Variants in GALNT4 observed in about 807,000 individuals in gnomAD.
GALNT4 encodes polypeptide N-acetylgalactosaminyltransferase 4, also known as UDP-GalNAc:polypeptide N-acetylgalactosaminyltransferase 4.
A neutral mutation model predicts 45.1 loss-of-function variants in GALNT4; 23 were observed. The ratio of observed to expected loss-of-function variants is 0.51; its 90% confidence interval spans 0.37 to 0.72. The LOEUF is 0.72. Ranked by LOEUF, GALNT4 falls within the 30% of genes least tolerant of loss-of-function variation. The pLI, the probability that GALNT4 is intolerant of heterozygous loss-of-function variation, is 0.00. For missense variants in GALNT4, 757 were observed against 709.0 expected (o/e 1.07, Z -0.77); for synonymous variants, 264 against 257.6 (o/e 1.02, Z -0.24).
chr12:89,523,482 C>A lies in GALNT4; in HGVS notation c.1068G>T (p.Pro356=). The change falls in exon 1 of 1, where the codon CCG becomes CCT. Residue 356 remains proline (P), a synonymous_variant. Coordinates refer to ENST00000529983, the MANE Select transcript of GALNT4 (RefSeq NM_003774.5). ...GGAACACATGGCCCACGTGGGAACA[C>A]GGGTGGATCTCCAATTTGCCACCAC... ...WQCGGKLEIH[P]CSHVGHVFPK... 2.5e-6 allele frequency: 4 copies of A among 1,612,652 alleles called. No individual in the cohort carries two copies. Among genetic ancestry groups the A allele is most frequent in the Non-Finnish European group, 3.4e-6 (4 of 1,179,392 alleles).
chr12:89,522,689 A>C lies in GALNT4; in HGVS notation c.*124T>G, dbSNP rs1870986085. The C allele has an allele frequency of 7.8e-7, 1 of 1,275,202 alleles. No homozygotes were observed. The highest frequency in any genetic ancestry group is 1.9e-5 in the South Asian group (1 of 53,902). 79.0% of individuals were successfully genotyped at this position (1,275,202 alleles called of 1,614,324 possible). The stretch of plus-strand genomic sequence containing the variant: ...ATACCAAAATGAACCCCAGCTTTCC[A>C]GTGCTCCACAGATGACTGCTAGGTG... On this transcript the variant is annotated 3_prime_UTR_variant, in exon 1 of 1. Transcript: ENST00000529983.
At position 89,524,735 on chromosome 12, in the gene GALNT4, G is replaced by T; in HGVS notation, c.-186C>A. 1 of 663,384 alleles carries T rather than the reference G, an allele frequency of 1.5e-6. No homozygotes were observed. Among genetic ancestry groups the T allele is most frequent in the Non-Finnish European group, 2.6e-6 (1 of 382,048 alleles). The allele number at this position is 663,384 out of a possible 1,614,324, so 41.1% of individuals were successfully genotyped here. A position where few individuals can be genotyped will look rare whatever the true frequency, so the allele number is the denominator to read the frequency against. On this transcript the variant is annotated 5_prime_UTR_variant, in exon 1 of 1. Transcript: ENST00000529983. ...TGAGCCCTCTCGGTCCTCGGCCTCC[G>T]GCACAGCCCAACTCCTCTCTCCCTA...
Position 89,523,483 on chromosome 12 carries a change from G to C in GALNT4, c.1067C>G (p.Pro356Arg), listed in dbSNP as rs371227409. The C allele has an allele frequency of 6.2e-7, 1 of 1,612,630 alleles. No individual in the cohort carries two copies. Among genetic ancestry groups the C allele is most frequent in the African/African-American group, 1.3e-5 (1 of 74,850 alleles). Reference protein sequence around the residue: ...WQCGGKLEIHPCSHVGHVFPK... With the variant: ...WQCGGKLEIHRCSHVGHVFPK... The stretch of plus-strand genomic sequence containing the variant: ...GAACACATGGCCCACGTGGGAACAC[G>C]GGTGGATCTCCAATTTGCCACCACA... Residue 356 changes from proline to arginine, a missense_variant, in exon 1 of 1, where the codon CCG (proline) becomes CGG (arginine). Coordinates refer to ENST00000529983, the MANE Select transcript of GALNT4 (RefSeq NM_003774.5).
chr12:89,523,043 A>G lies in GALNT4; in HGVS notation c.1507T>C (p.Cys503Arg), dbSNP rs770674955. Residue 503 changes from cysteine to arginine, a missense_variant, in exon 1 of 1, where the codon TGT becomes CGT. Transcript: ENST00000529983. Reference sequence around the variant, plus strand: ...TTTTTTTGCTCAGGTACCTCTGCACATAACTCTGTCACAGAATTAAACCTT... The same window carrying G: ...TTTTTTTGCTCAGGTACCTCTGCACGTAACTCTGTCACAGAATTAAACCTT... ...EIRFNSVTEL[C>R]AEVPEQKNYV... 2 of 1,613,874 alleles carry G rather than the reference A, an allele frequency of 1.2e-6. No individual in the cohort carries two copies. Among genetic ancestry groups the G allele is most frequent in the Non-Finnish European group, 1.7e-6 (2 of 1,179,790 alleles).
In GALNT4 at chr12:89,524,183, C is replaced by G; in HGVS notation, c.367G>C (p.Glu123Gln). 1 of 1,613,980 alleles carries G rather than the reference C, an allele frequency of 6.2e-7. No homozygotes were observed. The highest frequency in any genetic ancestry group is 8.5e-7 in the Non-Finnish European group (1 of 1,179,900). Residue 123 changes from glutamate to glutamine, a missense_variant, in exon 1 of 1, where the codon GAG (glutamate) becomes CAG (glutamine). Physicochemically the swap from Glu to Gln is conservative, Grantham distance 29. Coordinates refer to ENST00000529983, the MANE Select transcript of GALNT4 (RefSeq NM_003774.5). Reference protein sequence around the residue: ...HRHIEDKRMYECKSQKFNYRT... With the variant: ...HRHIEDKRMYQCKSQKFNYRT... ...TAGTTGAACTTCTGGGACTTACACT[C>G]ATACATTCTTTTATCCTCTATGTGT...
chr12:89,522,496 A>T lies in GALNT4; in HGVS notation c.*317T>A. ...TACCTCATTTTACTTGGACCTTTACATTCTTTAATATTAAGTCTGGCACTT... is the reference window on the plus strand; with the variant it reads ...TACCTCATTTTACTTGGACCTTTACTTTCTTTAATATTAAGTCTGGCACTT... On this transcript the variant is annotated 3_prime_UTR_variant, in exon 1 of 1. Transcript: ENST00000529983. 1 of 343,748 alleles carries T rather than the reference A, an allele frequency of 2.9e-6. No homozygotes were observed. Among genetic ancestry groups the T allele is most frequent in the Non-Finnish European group, 5.2e-6 (1 of 193,424 alleles). The allele number at this position is 343,748 out of a possible 1,614,324, so 21.3% of individuals were successfully genotyped here.
In GALNT4 at chr12:89,521,931, C is replaced by A; in HGVS notation, c.*882G>T. 3 of 398,680 alleles carry A rather than the reference C, an allele frequency of 7.5e-6. No homozygotes were observed. The South Asian group carries it at 3.9e-4, about 52-fold the overall frequency. The allele number at this position is 398,680 out of a possible 1,614,324, so 24.7% of individuals were successfully genotyped here. On this transcript the variant is annotated 3_prime_UTR_variant, in exon 1 of 1. Coordinates refer to ENST00000529983, the MANE Select transcript of GALNT4 (RefSeq NM_003774.5). ...TAATAAACATAGTTGGGTTTAACTT[C>A]AGAGAGGCTTCAATTGTGTTTACTT...
Position 89,523,604 on chromosome 12 carries a change from C to A in GALNT4, c.946G>T (p.Val316Phe). 6.4e-7 allele frequency: 1 copy of A among 1,560,604 alleles called. No individual in the cohort carries two copies. The highest frequency in any genetic ancestry group is 8.6e-7 in the Non-Finnish European group (1 of 1,158,300). Residue 316 changes from valine (V) to phenylalanine (F), a missense_variant, in exon 1 of 1, where the codon GTC (valine) becomes TTC (phenylalanine). Val to Phe is a conservative substitution (Grantham distance 50, BLOSUM62 -1). Transcript: ENST00000529983. Reference sequence around the variant, plus strand: ...AGGTACTGAAAATATTTCTTGCTGACAGCAAACAGTCCTCCAGCCATGGTA... The same window carrying A: ...AGGTACTGAAAATATTTCTTGCTGAAAGCAAACAGTCCTCCAGCCATGGTA... ...SPTMAGGLFA[V>F]SKKYFQYLGT...
chr12:89,523,970 C>T lies in GALNT4; in HGVS notation c.580G>A (p.Asp194Asn). 3 of 1,613,854 alleles carry T rather than the reference C, an allele frequency of 1.9e-6. No homozygotes were observed. The highest frequency in any genetic ancestry group is 2.5e-6 in the Non-Finnish European group (3 of 1,179,846). ...TTGGTCCTAATCAAGCGTACTCTAT[C>T]AAGATTGCTGATGTAAGTTTCAAGT... ...TQLETYISNL[D>N]RVRLIRTNKR... Residue 194 changes from aspartate (D) to asparagine (N), a missense_variant, in exon 1 of 1, where the codon GAT (aspartate) becomes AAT (asparagine). Transcript: ENST00000529983.
rs1419993892 is a variant in GALNT4 at position 89,520,668 on chromosome 12, T to G, written c.*2145A>C. The G allele has an allele frequency of 6.6e-6, 1 of 152,220 alleles. No individual in the cohort carries two copies. The highest frequency in any genetic ancestry group is 2.4e-5 in the African/African-American group (1 of 41,466). The allele number at this position is 152,220 out of a possible 1,614,324, so 9.4% of individuals were successfully genotyped here. A position where few individuals can be genotyped will look rare whatever the true frequency, so the allele number is the denominator to read the frequency against. ...AAATATTCAAGATTGCATAGCAATT[T>G]TATTTTTTGAAATGGTTATCCTAAA... On this transcript the variant is annotated 3_prime_UTR_variant, in exon 1 of 1. Coordinates refer to ENST00000529983, the MANE Select transcript of GALNT4 (RefSeq NM_003774.5).
rs758454985 is a variant in GALNT4 at position 89,523,000 on chromosome 12, T to C, written c.1550A>G (p.Asn517Ser). The change falls in exon 1 of 1, where the codon AAT becomes AGT. Residue 517 changes from asparagine (N) to serine (S), a missense_variant. Coordinates refer to ENST00000529983, the MANE Select transcript of GALNT4 (RefSeq NM_003774.5). The part of the protein sequence containing the change: ...PEQKNYVGMQ[N>S]CPKDGFPVPA... ...TACAGGGAACCCATCTTTGGGACAATTTTGCATTCCCACATAATTTTTTTG... is the reference window on the plus strand; with the variant it reads ...TACAGGGAACCCATCTTTGGGACAACTTTGCATTCCCACATAATTTTTTTG... The C allele has an allele frequency of 2.5e-6, 4 of 1,613,818 alleles. No individual in the cohort carries two copies. The highest frequency in any genetic ancestry group is 1.3e-5 in the African/African-American group (1 of 74,912).
Position 89,522,441 on chromosome 12 carries a change from T to C in GALNT4, c.*372A>G, listed in dbSNP as rs562221685. 2.8e-6 allele frequency: 1 copy of C among 362,962 alleles called. No homozygotes were observed. Among genetic ancestry groups the C allele is most frequent in the South Asian group, 1.5e-4 (1 of 6,726 alleles). 22.5% of individuals were successfully genotyped at this position (362,962 alleles called of 1,614,324 possible). ...ATGAGTTTTGTTAAAAAGTGGGATG[T>C]GCGGTGAACTTACACATCAACATAA... On this transcript the variant is annotated 3_prime_UTR_variant, in exon 1 of 1. Coordinates refer to ENST00000529983, the MANE Select transcript of GALNT4 (RefSeq NM_003774.5).
In GALNT4 at chr12:89,522,602, A is replaced by G. The variant is rs1305288139; in HGVS notation, c.*211T>C. ...GACAAAACTCTTATATAAAACAACC[A>G]ATAAGTAAGGCATTGTGAAATATTA... On this transcript the variant is annotated 3_prime_UTR_variant, in exon 1 of 1. Transcript: ENST00000529983. The G allele has an allele frequency of 4.3e-6, 2 of 463,070 alleles. No individual in the cohort carries two copies. Among genetic ancestry groups the G allele is most frequent in the Non-Finnish European group, 7.1e-6 (2 of 279,890 alleles). The allele number at this position is 463,070 out of a possible 1,614,324, so 28.7% of individuals were successfully genotyped here.
In GALNT4 at chr12:89,520,915, G is replaced by A. The variant is rs1400750325; in HGVS notation, c.*1898C>T. ...CAGTAAAAATACTTTTAAAAAAAGCGTTTACTTCCCGAGTAATTTAGTTTG... is the reference window on the plus strand; with the variant it reads ...CAGTAAAAATACTTTTAAAAAAAGCATTTACTTCCCGAGTAATTTAGTTTG... On this transcript the variant is annotated 3_prime_UTR_variant, in exon 1 of 1. Transcript: ENST00000529983. The A allele has an allele frequency of 1.3e-5, 2 of 151,918 alleles. No individual in the cohort carries two copies. Among genetic ancestry groups the A allele is most frequent in the Admixed American group, 6.6e-5 (1 of 15,252 alleles). 9.4% of individuals were successfully genotyped at this position (151,918 alleles called of 1,614,324 possible).
In GALNT4 at chr12:89,524,453, G is replaced by C. The variant is rs1002313819; in HGVS notation, c.97C>G (p.His33Asp). 1.2e-6 allele frequency: 2 copies of C among 1,613,754 alleles called. No individual in the cohort carries two copies. The highest frequency in any genetic ancestry group is 2.7e-5 in the African/African-American group (2 of 74,932). The change falls in exon 1 of 1, where the codon CAT becomes GAT. Residue 33 changes from histidine (H) to aspartate (D), a missense_variant. By Grantham distance (81) the His-to-Asp change is moderately conservative. Transcript: ENST00000529983. ...IFVELLVSTF[H>D]ASAGAGRARE... ...GCACGGCCGGCTCCTGCGGAGGCAT[G>C]AAAAGTAGAGACCAAGAGCTCCACG...
rs1870930501 is a variant in GALNT4 at position 89,522,073 on chromosome 12, C to G, written c.*740G>C. 1 of 399,006 alleles carries G rather than the reference C, an allele frequency of 2.5e-6. No individual in the cohort carries two copies. The highest frequency in any genetic ancestry group is 4.4e-6 in the Non-Finnish European group (1 of 226,060). The allele number at this position is 399,006 out of a possible 1,614,324, so 24.7% of individuals were successfully genotyped here. On this transcript the variant is annotated 3_prime_UTR_variant, in exon 1 of 1. Transcript: ENST00000529983. ...TGCCCTACACACACAAACACGTTCA[C>G]AGAGAAGACAGCTTACAAAATCAGA...
rs1592648598 is a variant in GALNT4 at position 89,521,154 on chromosome 12, A to G, written c.*1659T>C. 7.1e-6 allele frequency: 1 copy of G among 140,826 alleles called. No homozygotes were observed. Among genetic ancestry groups the G allele is most frequent in the Non-Finnish European group, 1.5e-5 (1 of 66,644 alleles). 8.7% of individuals were successfully genotyped at this position (140,826 alleles called of 1,614,324 possible). On this transcript the variant is annotated 3_prime_UTR_variant, in exon 1 of 1. Transcript: ENST00000529983. ...AGTCTTGCTCTGTCGCCCAGGCTGG[A>G]GTGCAGTGGCACGATCTCGGCTCAC...
rs1353742923 is a variant in GALNT4, at chr12:89,522,970, G to C, written c.1580C>G (p.Ala527Gly). The change falls in exon 1 of 1, where the codon GCA becomes GGA. Residue 527 changes from alanine (A) to glycine (G), a missense_variant. Ala to Gly is a moderately conservative substitution (Grantham distance 60). Transcript: ENST00000529983. ...TTCTTTAAAATGCCAAATAATGTTT[G>C]CTGGTACAGGGAACCCATCTTTGGG... is the stretch of plus-strand genomic sequence containing the variant. Reference protein sequence around the residue: ...NCPKDGFPVPANIIWHFKEDG... With the variant: ...NCPKDGFPVPGNIIWHFKEDG... 1.2e-6 allele frequency: 2 copies of C among 1,613,884 alleles called. No individual in the cohort carries two copies. The highest frequency in any genetic ancestry group is 3.3e-5 in the Admixed American group (2 of 60,008).
chr12:89,520,694 G>T lies in GALNT4; in HGVS notation c.*2119C>A, dbSNP rs1245131904. 1.3e-5 allele frequency: 2 copies of T among 152,088 alleles called. No individual in the cohort carries two copies. Among genetic ancestry groups the T allele is most frequent in the Non-Finnish European group, 2.9e-5 (2 of 68,016 alleles). The allele number at this position is 152,088 out of a possible 1,614,324, so 9.4% of individuals were successfully genotyped here. ...TATTTTTTGAAATGGTTATCCTAAAGAATTTCCTTAAATTCAGATTTTGCA... is the reference window on the plus strand; with the variant it reads ...TATTTTTTGAAATGGTTATCCTAAATAATTTCCTTAAATTCAGATTTTGCA... On this transcript the variant is annotated 3_prime_UTR_variant, in exon 1 of 1. Transcript: ENST00000529983.
Sources: allele counts gnomAD v4.1 joint callset, GRCh38; gene constraint gnomAD v4.1.1; transcripts MANE v1.5; gene names NCBI Gene and HGNC (gene_info 2026-07-23, HGNC 2026-07-21).